NOBOX: variants seen among roughly 807,000 people sequenced by gnomAD.
The protein encoded by NOBOX is homeobox protein NOBOX.
Under a neutral mutation model 60.2 loss-of-function variants are expected in NOBOX, and 46 were observed. The observed-to-expected ratio is 0.76, with a 90% CI of 0.60 to 0.98. The LOEUF is 0.98. Ranked by LOEUF, NOBOX falls within the 50% of genes least tolerant of loss-of-function variation. The probability of loss-of-function intolerance (pLI) is 0.00; values close to 1 mark genes in which losing one functional copy is unlikely to be tolerated. For synonymous variants in NOBOX, 360 were observed against 346.3 expected (o/e 1.04, Z -0.44); for missense variants, 880 against 865.5 (o/e 1.02, Z -0.21).
intron 2 of NOBOX, among the ~76,000 whole-genome samples, chr7:144,404,290 C>T (rs1252024840): frequency 1.3e-5 from 2 of 152,222 alleles, no homozygotes; most frequent in African/African-American, 2.4e-5. Context: ...GCTCTGTCGC[C>T]CAGGCTGGAG....
rs1269231345 is a variant in NOBOX at position 144,401,655 on chromosome 7, A to G, written c.293-58T>C. 1 of 1,465,516 alleles carries G rather than the reference A, an allele frequency of 6.8e-7. No individual in the cohort carries two copies. The allele number at this position is 1,465,516 out of a possible 1,614,324, so 90.8% of individuals were successfully genotyped here. ...CCAGGGAGAAGGAAGAACTGGACCA[A>G]GAGGAAGTGCTGCTTCCTGCTTTGC... On this transcript the variant is annotated intron_variant, in intron 3 of 9. Coordinates refer to ENST00000467773, the MANE Select transcript of NOBOX (RefSeq NM_001080413.3). The surrounding 1 kb of genome is among the most constrained non-coding windows in gnomAD (Gnocchi z 4.2).
Position 144,401,144 on chromosome 7 carries a change from C to T in NOBOX, c.746G>A (p.Ser249Asn). Residue 249 changes from serine to asparagine, a missense_variant, in exon 4 of 10, where the codon AGT (serine) becomes AAT (asparagine). By Grantham distance (46) the Ser-to-Asn change is conservative (BLOSUM62 1). Transcript: ENST00000467773. The surrounding 1 kb of genome is among the most constrained non-coding windows in gnomAD (Gnocchi z 4.2). ...GTTTTGGTTGCTCTGCGCCAATGTA[C>T]TGAGGAGATTGGCCAGGTGGCAGGG... is the stretch of plus-strand genomic sequence containing the variant. The T allele has an allele frequency of 6.2e-7, 1 of 1,609,416 alleles. No individual in the cohort carries two copies. The highest frequency in any genetic ancestry group is 1.3e-5 in the African/African-American group (1 of 74,874).
At chr7:144,399,598 C>A (rs2053921502) in intron 6 of NOBOX, 116 bp from the exon 5 acceptor site, 4 of 1,142,876 alleles carry the variant, frequency 3.5e-6, no homozygotes, top group Non-Finnish European at 5.1e-6. Context: ...GCATTGGCAA[C>A]TTCCCGATCC....
At chr7:144,400,341 GGACAAATGCCAGT>G (rs775033257) in intron 4 of NOBOX, 29 bp from the exon 3 acceptor site, 1 of 1,596,162 alleles carries the variant, frequency 6.3e-7, no homozygotes, top group East Asian at 2.2e-5. Context: ...TGTGTGAGGA[GGACAAATGCCAGT>G]GACAGGTAGG....
rs1263241544 is a variant in NOBOX, at chr7:144,399,446, C to A, written c.1191G>T (p.Glu397Asp). 1 of 1,587,384 alleles carries A rather than the reference C, an allele frequency of 6.3e-7. No individual in the cohort carries two copies. Among genetic ancestry groups the A allele is most frequent in the Middle Eastern group, 1.7e-4 (1 of 6,028 alleles). Residue 397 changes from glutamate (E) to aspartate (D), a missense_variant, in exon 7 of 10, where the codon GAG becomes GAT. Glu to Asp is a conservative substitution (Grantham distance 45, BLOSUM62 2). Transcript: ENST00000467773. ...CCTGAGGGAAAGGGTCAGGCTTTGG[C>A]TCCATGGGCACAGCAGGTAGGATCT... is the stretch of plus-strand genomic sequence containing the variant.
chr7:144,399,143 C>A lies in NOBOX; in HGVS notation c.1276G>T (p.Ala426Ser). 1.3e-6 allele frequency: 2 copies of A among 1,568,052 alleles called. No individual in the cohort carries two copies. The highest frequency in any genetic ancestry group is 1.2e-5 in the South Asian group (1 of 86,454). The stretch of plus-strand genomic sequence containing the variant: ...GCACCCTCACTGGGTTGGGTGGGGG[C>A]CAAAGTCTGGTCAGAAGTCAGCAGC... The change falls in exon 8 of 10, where the codon GCC becomes TCC. Residue 426 changes from alanine (A) to serine (S), a missense_variant. Ala to Ser is a moderately conservative substitution (Grantham distance 99). Transcript: ENST00000467773.
intron 4 of NOBOX, among the ~76,000 whole-genome samples, chr7:144,400,737 C>G (rs2053931548): frequency 6.6e-6 from 1 of 152,142 alleles, no homozygotes. Flanking sequence ...GGGGTTTCAC[C>G]ATGATGGCCA....
intron 1 of NOBOX, among the ~76,000 whole-genome samples, chr7:144,406,318 G>C (rs1335304477): frequency 6.6e-6 from 1 of 152,152 alleles, no homozygotes; most frequent in East Asian, 1.9e-4. Context: ...AGCACGTTGG[G>C]AGGCCAAGGT....
chr7:144,400,640 C>G (rs2053930895), intron 4 of NOBOX, among the ~76,000 whole-genome samples: 1 of 152,238 alleles, frequency 6.6e-6, no homozygotes, highest in African/African-American at 2.4e-5. Context: ...CAGGTTCAAG[C>G]AATTCCCCTG....
At position 144,399,103 on chromosome 7, in the gene NOBOX, G is replaced by T. The variant is rs1188377443; in HGVS notation, c.1316C>A (p.Thr439Asn). Residue 439 changes from threonine (T) to asparagine (N), a missense_variant, in exon 8 of 10, where the codon ACC becomes AAC. Coordinates refer to ENST00000467773, the MANE Select transcript of NOBOX (RefSeq NM_001080413.3). The stretch of plus-strand genomic sequence containing the variant: ...AGGTGGGGGGCTGAAGAGTGGGGGG[G>T]TCACCACCCTCTGAGCACCCTCACT... 11 of 1,251,288 alleles carry T rather than the reference G, an allele frequency of 8.8e-6. No individual in the cohort carries two copies. The highest frequency in any genetic ancestry group is 1.7e-5 in the Admixed American group (1 of 57,830). 77.5% of individuals were successfully genotyped at this position (1,251,288 alleles called of 1,614,324 possible).
intron 1 of NOBOX, among the ~76,000 whole-genome samples, chr7:144,405,574 C>G (rs563518247): frequency 1.3e-5 from 2 of 152,124 alleles, no homozygotes; most frequent in African/African-American, 2.4e-5. Flanking sequence ...ATCACAGTCC[C>G]GCTTAAAACC....
intron 6 of NOBOX, 132 bp downstream of exon 4, chr7:144,399,625 C>T: frequency 8.9e-7 from 1 of 1,121,602 alleles, no homozygotes; most frequent in African/African-American, 1.6e-5. Context: ...AGCCAAAATC[C>T]CTCTAAATCT....
chr7:144,407,669 T>C (rs2053995132), intron 1 of NOBOX, among the ~76,000 whole-genome samples: 3 of 152,238 alleles, frequency 2.0e-5, no homozygotes, highest in Admixed American at 2.0e-4. Flanking sequence ...CCAAAGTATC[T>C]GCCCAGGGGC....
downstream of NOBOX, among the ~76,000 whole-genome samples, chr7:144,397,063 C>T (rs899984902): frequency 9.9e-5 from 15 of 152,152 alleles, no homozygotes; most frequent in Non-Finnish European, 2.2e-4. Flanking sequence ...AAAAGGGAAG[C>T]GCCAGCCCTC....
intron 2 of NOBOX, among the ~76,000 whole-genome samples, chr7:144,402,635 A>G (rs2053950074): frequency 6.6e-6 from 1 of 152,008 alleles, no homozygotes; most frequent in Non-Finnish European, 1.5e-5. Flanking sequence ...CAGCTCAGGG[A>G]GCTGCTTTAT....
intron 2 of NOBOX, among the ~76,000 whole-genome samples, chr7:144,403,241 CAA>C (rs1256754344): frequency 6.6e-6 from 1 of 152,114 alleles, no homozygotes; most frequent in African/African-American, 2.4e-5. Flanking sequence ...GAAGCAGGGA[CAA>C]ATTTGTTTTA....
intron 2 of NOBOX, among the ~76,000 whole-genome samples, chr7:144,402,238 GGA>G (rs1365532156): frequency 7.6e-6 from 1 of 131,434 alleles, no homozygotes; most frequent in African/African-American, 2.8e-5. Flanking sequence ...CTGCAAAGCA[GGA>G]TCTCACTCTC....
At position 144,399,111 on chromosome 7, in the gene NOBOX, C is replaced by T. The variant is rs1474166351; in HGVS notation, c.1308G>A (p.Arg436=). The change falls in exon 8 of 10, where the codon AGG becomes AGA. Residue 436 remains arginine, a synonymous_variant. Transcript: ENST00000467773. ...GGCTGAAGAGTGGGGGGGTCACCAC[C>T]CTCTGAGCACCCTCACTGGGTTGGG... is the stretch of plus-strand genomic sequence containing the variant. 1 of 1,515,010 alleles carries T rather than the reference C, an allele frequency of 6.6e-7. No homozygotes were observed. Among genetic ancestry groups the T allele is most frequent in the Non-Finnish European group, 9.2e-7 (1 of 1,092,732 alleles). The allele number at this position is 1,515,010 out of a possible 1,614,324, so 93.8% of individuals were successfully genotyped here.
chr7:144,406,279 G>T (rs755946727), intron 1 of NOBOX, among the ~76,000 whole-genome samples: 1 of 152,024 alleles, frequency 6.6e-6, no homozygotes, highest in Non-Finnish European at 1.5e-5. Flanking sequence ...TTTTTCCAGC[G>T]GGGCACAGTG....
Sources: allele counts gnomAD v4.1 joint callset (sites outside exome capture counted in the v4.1 genomes callset), GRCh38; gene constraint gnomAD v4.1.1; non-coding constraint Gnocchi (gnomAD v3.1); transcripts MANE v1.5; gene names NCBI Gene and HGNC (gene_info 2026-07-23, HGNC 2026-07-21).